ZNF208: variants seen among roughly 807,000 people sequenced by gnomAD.
The protein encoded by ZNF208 is zinc finger protein 95.
ZNF208 carries 10 observed loss-of-function variants against 12.1 expected under a neutral mutation model. The ratio of observed to expected loss-of-function variants is 0.83; its 90% confidence interval spans 0.51 to 1.40. ZNF208 has a LOEUF of 1.40. Among genes scored for constraint, ZNF208 ranks in the 40% most tolerant of loss-of-function variants. The pLI is 0.00. For synonymous variants in ZNF208, 497 were observed against 488.4 expected (o/e 1.02, Z -0.23); for missense variants, 1,652 against 1,485.0 (o/e 1.11, Z -1.85).
intron 4 of ZNF208, among the ~76,000 whole-genome samples, chr19:21,959,685 A>G (rs1383599013): frequency 6.6e-6 from 1 of 152,230 alleles, no homozygotes; most frequent in East Asian, 1.9e-4. Context: ...ATTACACTGC[A>G]TGGTCTACAA....
intron 3 of ZNF208, among the ~76,000 whole-genome samples, chr19:21,979,345 T>C (rs112237385): frequency 0.2 from 29,755 of 152,004 alleles, 3,418 homozygotes; most frequent in African/African-American, 0.31. Flanking sequence ...GGGTTACCCA[T>C]AAAGGGAAGC....
At chr19:21,957,399 C>T (rs1325234400) in intron 4 of ZNF208, among the ~76,000 whole-genome samples, 1 of 152,150 alleles carries the variant, frequency 6.6e-6, no homozygotes, top group African/African-American at 2.4e-5. Context: ...TTTACCAAGG[C>T]TCTAATTGGG....
intron 4 of ZNF208, among the ~76,000 whole-genome samples, chr19:21,951,403 T>A (rs913739394): frequency 6.6e-6 from 1 of 152,214 alleles, no homozygotes; most frequent in African/African-American, 2.4e-5. Context: ...TAAAAAATTA[T>A]AAGAAGGCAT....
intron 4 of ZNF208, among the ~76,000 whole-genome samples, chr19:21,960,488 T>C (rs919281782): frequency 1.3e-5 from 2 of 152,112 alleles, no homozygotes; most frequent in Non-Finnish European, 2.9e-5. Flanking sequence ...TAAAAAGTGG[T>C]ATATTTACAC....
At chr19:21,946,885 C>T (rs1230351157) in intron 4 of ZNF208, among the ~76,000 whole-genome samples, 2 of 152,084 alleles carry the variant, frequency 1.3e-5, no homozygotes, top group African/African-American at 4.8e-5. Flanking sequence ...CCTAAAAGCC[C>T]TTGGACCAAC....
rs1356877272 is a variant in ZNF208, at chr19:21,968,960, A to T, written c.*2231T>A. Among the ~76,000 whole-genome samples the T allele has an allele frequency of 2.0e-5, 3 of 152,106 alleles. No individual in the cohort carries two copies. Among genetic ancestry groups the T allele is most frequent in the African/African-American group, 7.2e-5 (3 of 41,434 alleles). On this transcript the variant is annotated 3_prime_UTR_variant, in exon 4 of 4. Coordinates refer to ENST00000397126, the MANE Select transcript of ZNF208 (RefSeq NM_007153.3). ...AGGACTTTGGGTGGCCAAGGTGGGCATATCATGAGGTCAGGAGATAGAGAC... is the reference window on the plus strand; with the variant it reads ...AGGACTTTGGGTGGCCAAGGTGGGCTTATCATGAGGTCAGGAGATAGAGAC...
At chr19:21,975,190 A>G (rs1204995697) in intron 3 of ZNF208, among the ~76,000 whole-genome samples, 5 of 152,126 alleles carry the variant, frequency 3.3e-5, no homozygotes, top group Non-Finnish European at 7.4e-5. Context: ...GTTTTTAAGG[A>G]AAGTAAAATA....
rs911688047 is a variant in ZNF208 at position 21,970,944 on chromosome 19, G to C, written c.*247C>G. On this transcript the variant is annotated 3_prime_UTR_variant, in exon 4 of 4. Transcript: ENST00000397126. The stretch of plus-strand genomic sequence containing the variant: ...TTGCCACATTCTTTGCATTTGTATG[G>C]TTTCTCTCCAGTATGAATTACCTTA... 3.3e-5 allele frequency among the ~76,000 whole-genome samples: 5 copies of C among 151,636 alleles called. No homozygotes were observed. Among genetic ancestry groups the C allele is most frequent in the African/African-American group, 7.3e-5 (3 of 41,252 alleles).
intron 4 of ZNF208, among the ~76,000 whole-genome samples, chr19:21,958,744 G>GTTTTCT (rs576199031): frequency 0.57 from 85,841 of 151,866 alleles, 24,492 homozygotes; most frequent in East Asian, 0.69. Context: ...TTAGCTGCTA[G>GTTTTCT]AACAGTACCC....
intron 4 of ZNF208, among the ~76,000 whole-genome samples, chr19:21,957,486 C>G (rs1335418035): frequency 6.6e-6 from 1 of 152,170 alleles, no homozygotes; most frequent in African/African-American, 2.4e-5. Context: ...TGGTCTCATA[C>G]CTTGTCTACA....
At chr19:21,958,970 G>A (rs1970020200) in intron 4 of ZNF208, among the ~76,000 whole-genome samples, 1 of 151,888 alleles carries the variant, frequency 6.6e-6, no homozygotes, top group Non-Finnish European at 1.5e-5. Flanking sequence ...TAATCCCAGT[G>A]ACTCAGGAGG....
In ZNF208 at chr19:22,010,774, C is replaced by G. The variant is rs747144412; in HGVS notation, c.3+18G>C. ...AGCCCGGGCCACTCTCTCAGTGTGT[C>G]GGACCCGGCACACTCACCATTTCTA... On this transcript the variant is annotated intron_variant, in intron 1 of 3. Coordinates refer to ENST00000397126, the MANE Select transcript of ZNF208 (RefSeq NM_007153.3). 7 of 1,614,194 alleles carry G rather than the reference C, an allele frequency of 4.3e-6. No individual in the cohort carries two copies. Among genetic ancestry groups the G allele is most frequent in the African/African-American group, 1.3e-5 (1 of 75,058 alleles).
chr19:21,963,116 A>C (rs545443194), downstream of ZNF208, among the ~76,000 whole-genome samples: 2 of 151,326 alleles, frequency 1.3e-5, no homozygotes, highest in East Asian at 3.9e-4. Flanking sequence ...GAAAGCAGGC[A>C]ATGCTCTTCT....
At chr19:21,994,949 C>CTTTCTTTT in intron 1 of ZNF208, among the ~76,000 whole-genome samples, 2 of 38,218 alleles carry the variant, frequency 5.2e-5, no homozygotes, top group Non-Finnish European at 1.2e-4. Context: ...ATCTGTTTTT[C>CTTTCTTTT]TTTTCTTTTT....
At chr19:21,961,565 T>C (rs11878866), downstream of ZNF208, among the ~76,000 whole-genome samples, 24,878 of 151,858 alleles carry the variant, frequency 0.16, 2,219 homozygotes, top group Middle Eastern at 0.2. Context: ...GGGGTTTTTT[T>C]CCCCACCCTA....
At position 21,971,712 on chromosome 19, in the gene ZNF208, T is replaced by C. The variant is rs748293882; in HGVS notation, c.3322A>G (p.Thr1108Ala). The C allele has an allele frequency of 1.8e-5, 29 of 1,613,874 alleles. No individual in the cohort carries two copies. Among genetic ancestry groups the C allele is most frequent in the Non-Finnish European group, 2.5e-5 (29 of 1,179,970 alleles). The change falls in exon 4 of 4, where the codon ACT becomes GCT. Residue 1108 changes from threonine (T) to alanine (A), a missense_variant. Physicochemically the swap from Thr to Ala is moderately conservative, Grantham distance 58 (BLOSUM62 0). Around this residue, in one of 3 missense-constraint regions of ZNF208, gnomAD observed 1,239 missense variants for 1,086.2 expected, o/e 1.14. Coordinates refer to ENST00000397126, the MANE Select transcript of ZNF208 (RefSeq NM_007153.3). ...SNLMEHKRIH[T>A]GEKPYKCEEC... ...TCACATTTGTAGGGTTTCTCTCCAG[T>C]ATGAATTCTCTTATGTTCCATAAGG...
At chr19:21,955,957 T>A (rs1969968741) in intron 4 of ZNF208, among the ~76,000 whole-genome samples, 1 of 152,322 alleles carries the variant, frequency 6.6e-6, no homozygotes, top group East Asian at 1.9e-4. Context: ...TTTCTCCCCA[T>A]CTTTGGGGTT....
chr19:21,968,016 T>A lies in ZNF208; in HGVS notation c.*3175A>T, dbSNP rs140423632. The A allele has an allele frequency of 1.3e-5, 2 of 152,278 alleles. No individual in the cohort carries two copies. Among genetic ancestry groups the A allele is most frequent in the African/African-American group, 4.8e-5 (2 of 41,580 alleles). The allele number at this position is 152,278 out of a possible 1,614,324, so 9.4% of individuals were successfully genotyped here. On this transcript the variant is annotated 3_prime_UTR_variant, in exon 4 of 4. Coordinates refer to ENST00000397126, the MANE Select transcript of ZNF208 (RefSeq NM_007153.3). ...TGTTTGTTGCTATTGTAAATAGAGC[T>A]GTGTTTTTTATTTTGTTCTCAGTTT... is the stretch of plus-strand genomic sequence containing the variant.
At chr19:21,960,652 C>T (rs1263071758) in intron 4 of ZNF208, among the ~76,000 whole-genome samples, 1 of 152,150 alleles carries the variant, frequency 6.6e-6, no homozygotes, top group African/African-American at 2.4e-5. Flanking sequence ...GTCACCCCAC[C>T]TATCCTGAAT....
Sources: gnomAD v4.1 joint callset for allele counts (sites outside exome capture counted in the v4.1 genomes callset) on GRCh38, gnomAD v4.1.1 for gene constraint, gnomAD v4.1.1 regional missense constraint, MANE v1.5 for transcripts, NCBI Gene and HGNC (gene_info 2026-07-23, HGNC 2026-07-21) for gene names.